TOX2: variants seen among roughly 807,000 people sequenced by gnomAD.
TOX2 encodes the protein TOX high mobility group box family member 2.
A neutral mutation model predicts 47.4 loss-of-function variants in TOX2; 15 were observed. That is an observed-to-expected ratio of 0.32 (90% CI 0.21 to 0.49). TOX2 has a LOEUF of 0.49. Among genes scored for constraint, TOX2 ranks in the 20% least tolerant of loss-of-function variants. The pLI, the probability that TOX2 is intolerant of heterozygous loss-of-function variation, is 0.99. For missense variants in TOX2, 622 were observed against 673.1 expected (o/e 0.92, Z 0.84); for synonymous variants, 290 against 296.6 (o/e 0.98, Z 0.23).
At chr20:44,019,034 GC>G (rs1569101801) in intron 3 of TOX2, among the ~76,000 whole-genome samples, 1 of 152,174 alleles carries the variant, frequency 6.6e-6, no homozygotes, top group Non-Finnish European at 1.5e-5. Flanking sequence ...TATTTCTGAT[GC>G]TTTGCTTCAT....
rs1189844506 is a variant in TOX2, at chr20:44,051,558, G to A, written c.651+13G>A. On this transcript the variant is annotated intron_variant, in intron 4 of 8. Transcript: ENST00000341197. ...AGTGCATTTCAAGGTATGTGCGGTG[G>A]AGGAACAGAGCCTGAAGCTGCCCTC... is the stretch of plus-strand genomic sequence containing the variant. 3.8e-6 allele frequency: 6 copies of A among 1,560,326 alleles called. No homozygotes were observed. Among genetic ancestry groups the A allele is most frequent in the Non-Finnish European group, 5.2e-6 (6 of 1,148,814 alleles).
intron 1 of TOX2, among the ~76,000 whole-genome samples, chr20:43,951,928 G>A (rs530985228): frequency 1.9e-4 from 28 of 151,072 alleles, no homozygotes; most frequent in South Asian, 4.2e-4. Context: ...GCCGAGTCTC[G>A]CTCTGTCGCC....
intron 1 of TOX2, among the ~76,000 whole-genome samples, chr20:43,945,402 A>G (rs534725883): frequency 2.0e-5 from 3 of 152,350 alleles, no homozygotes; most frequent in Admixed American, 2.0e-4. Flanking sequence ...GGCTTTCGAC[A>G]TTTAGCTGTC....
intron 1 of TOX2, among the ~76,000 whole-genome samples, chr20:43,922,605 GGTAA>G (rs1361320335): frequency 6.6e-6 from 1 of 152,038 alleles, no homozygotes; most frequent in African/African-American, 2.4e-5. Context: ...AAAAACATAT[GGTAA>G]GTGATTATTA....
At chr20:44,041,313 A>C (rs188693463) in intron 3 of TOX2, among the ~76,000 whole-genome samples, 1 of 152,338 alleles carries the variant, frequency 6.6e-6, no homozygotes. Context: ...TGATCCCAGC[A>C]CACAGGGGAA....
At chr20:43,988,381 C>G (rs1382773558) in intron 2 of TOX2, among the ~76,000 whole-genome samples, 1 of 152,156 alleles carries the variant, frequency 6.6e-6, no homozygotes, top group East Asian at 1.9e-4. Context: ...CACATTCATG[C>G]ACAAATATAA....
chr20:44,045,269 TG>T (rs2071395351), intron 3 of TOX2, among the ~76,000 whole-genome samples: 1 of 152,208 alleles, frequency 6.6e-6, no homozygotes, highest in East Asian at 1.9e-4. Context: ...AAATTTTATG[TG>T]TATTTTATCA....
Position 44,064,874 on chromosome 20 carries a change from C to T in TOX2, c.960+17C>T. 6.2e-7 allele frequency: 1 copy of T among 1,612,666 alleles called. No individual in the cohort carries two copies. The highest frequency in any genetic ancestry group is 2.2e-5 in the East Asian group (1 of 44,882). On this transcript the variant is annotated intron_variant, in intron 6 of 8. Coordinates refer to ENST00000341197, the MANE Select transcript of TOX2 (RefSeq NM_001098797.2). ...GTCTCCAAGGTAACACCCGGAATCT[C>T]CAGGCACAGCCCTGATCAGAGTGGG...
At chr20:44,027,342 C>T (rs1052448819) in intron 3 of TOX2, among the ~76,000 whole-genome samples, 3 of 152,184 alleles carry the variant, frequency 2.0e-5, no homozygotes, top group Non-Finnish European at 2.9e-5. Context: ...TATGTTTCCC[C>T]GTCATGCGGA....
intron 2 of TOX2, among the ~76,000 whole-genome samples, chr20:43,996,872 C>T (rs373956320): frequency 6.6e-6 from 1 of 152,116 alleles, no homozygotes; most frequent in African/African-American, 2.4e-5. Context: ...CAATGTAACT[C>T]TCAATACATG....
chr20:43,983,865 G>A (rs1195985821), intron 2 of TOX2, among the ~76,000 whole-genome samples: 1 of 152,166 alleles, frequency 6.6e-6, no homozygotes, highest in Admixed American at 6.5e-5. Context: ...GCACAGAGAG[G>A]CAGAGGAGGG....
chr20:43,987,447 A>G (rs61234582), intron 2 of TOX2, among the ~76,000 whole-genome samples: 2 of 152,168 alleles, frequency 1.3e-5, no homozygotes. Context: ...TGCTGTTTAC[A>G]CAAATCTGTT....
At position 44,065,799 on chromosome 20, in the gene TOX2, C is replaced by T; in HGVS notation, c.1048C>T (p.Pro350Ser). 1 of 1,613,664 alleles carries T rather than the reference C, an allele frequency of 6.2e-7. No individual in the cohort carries two copies. Among genetic ancestry groups the T allele is most frequent in the Non-Finnish European group, 8.5e-7 (1 of 1,179,622 alleles). ...ACCCAAGCAGCCCATGTATGCCATGCCAGGCCTGGCCTCCTTCCTGACGCC... is the reference window on the plus strand; with the variant it reads ...ACCCAAGCAGCCCATGTATGCCATGTCAGGCCTGGCCTCCTTCCTGACGCC... The part of the protein sequence containing the change: ...LPPKQPMYAM[P>S]GLASFLTPSD... The change falls in exon 7 of 9, where the codon CCA (proline) becomes TCA (serine). Residue 350 changes from proline (P) to serine (S), a missense_variant. By Grantham distance (74) the Pro-to-Ser change is moderately conservative. Transcript: ENST00000341197.
intron 1 of TOX2, among the ~76,000 whole-genome samples, chr20:43,929,352 G>A (rs6031244): frequency 5.2e-4 from 79 of 152,250 alleles, no homozygotes; most frequent in African/African-American, 1.9e-3. Flanking sequence ...AAGTCCTCAC[G>A]TGAGCTTGCC....
chr20:44,029,758 G>A (rs1423113491), intron 3 of TOX2, among the ~76,000 whole-genome samples: 2 of 152,016 alleles, frequency 1.3e-5, no homozygotes, highest in Non-Finnish European at 2.9e-5. Context: ...CTCTCCCCTC[G>A]TGGTCCCAGC....
intron 8 of TOX2, among the ~76,000 whole-genome samples, chr20:44,067,902 A>C (rs2071859785): frequency 6.6e-6 from 1 of 152,198 alleles, no homozygotes; most frequent in Admixed American, 6.5e-5. Flanking sequence ...CCTGGAAGGC[A>C]CAGCGCACTT....
chr20:43,937,936 C>T lies in TOX2; in HGVS notation c.99+22946C>T, dbSNP rs930109662. Among the ~76,000 whole-genome samples, 3 of 152,122 alleles carry T rather than the reference C, an allele frequency of 2.0e-5. No homozygotes were observed. In the East Asian group the frequency reaches 5.8e-4, roughly 29 times the overall value. On this transcript the variant is annotated intron_variant, in intron 1 of 8. Transcript: ENST00000341197. ...TGGGAGGAGTCTGGAGTGTGGGTTC[C>T]AGCTTCTTGCCAATGTCTCCATGAA...
At chr20:44,038,260 C>T (rs1421024360) in intron 3 of TOX2, among the ~76,000 whole-genome samples, 3 of 151,922 alleles carry the variant, frequency 2.0e-5, no homozygotes, top group East Asian at 1.9e-4. Context: ...AGCCGGGTTC[C>T]GTGGCTCCAC....
chr20:43,990,933 T>C (rs2070357682), intron 2 of TOX2, among the ~76,000 whole-genome samples: 1 of 152,160 alleles, frequency 6.6e-6, no homozygotes, highest in East Asian at 1.9e-4. Context: ...ATAGACATCA[T>C]TTTTCCAGAA....
Sources: gnomAD v4.1 joint callset for allele counts (sites outside exome capture counted in the v4.1 genomes callset) on GRCh38, gnomAD v4.1.1 for gene constraint, MANE v1.5 for transcripts, NCBI Gene and HGNC (gene_info 2026-07-23, HGNC 2026-07-21) for gene names.